The following NRG3 variants were observed in gnomAD, a reference collection of about 807,000 sequenced individuals.
NRG3 encodes the protein pro-neuregulin-3, membrane-bound isoform.
Under a neutral mutation model 66.9 loss-of-function variants are expected in NRG3, and 31 were observed. The observed-to-expected ratio is 0.46, with a 90% CI of 0.35 to 0.63. The LOEUF (loss-of-function observed/expected upper bound fraction) is 0.63. Ranked by LOEUF, NRG3 falls within the 20% of genes least tolerant of loss-of-function variation. The pLI is 0.00. For synonymous variants in NRG3, 393 were observed against 359.4 expected (o/e 1.09, Z -1.06); for missense variants, 910 against 878.9 (o/e 1.04, Z -0.45).
At chr10:81,997,731 A>C (rs1300057214) in intron 1 of NRG3, among the ~76,000 whole-genome samples, 5 of 152,234 alleles carry the variant, frequency 3.3e-5, no homozygotes, top group Non-Finnish European at 7.4e-5. Flanking sequence ...AGATAAGCGC[A>C]GCATACTCTA....
chr10:82,952,483 G>C (rs1375474802), intron 5 of NRG3, among the ~76,000 whole-genome samples: 7,689 of 116,866 alleles, frequency 0.066, 299 homozygotes, highest in Middle Eastern at 0.12. Flanking sequence ...GTGTGTGTGT[G>C]TGTGTGTGTG....
intron 1 of NRG3, among the ~76,000 whole-genome samples, chr10:81,923,158 G>A (rs1846413150): frequency 6.6e-6 from 1 of 151,682 alleles, no homozygotes; most frequent in Admixed American, 6.6e-5. Context: ...ATCTCTTAAT[G>A]AGATTAGAAT....
At chr10:81,930,386 T>C (rs1847226386) in intron 1 of NRG3, among the ~76,000 whole-genome samples, 2 of 152,104 alleles carry the variant, frequency 1.3e-5, no homozygotes, top group Non-Finnish European at 2.9e-5. Context: ...CTTACAGTTT[T>C]ATTGTAGAAG....
At chr10:82,849,309 T>C (rs887414894) in intron 3 of NRG3, among the ~76,000 whole-genome samples, 1 of 152,092 alleles carries the variant, frequency 6.6e-6, no homozygotes, top group African/African-American at 2.4e-5. Context: ...AATCCTGAGA[T>C]GGAACAAACA....
chr10:82,714,056 C>T (rs2056831978), intron 2 of NRG3, among the ~76,000 whole-genome samples: 1 of 152,164 alleles, frequency 6.6e-6, no homozygotes, highest in South Asian at 2.1e-4. Context: ...TAATATGTAT[C>T]ACCTTTAACT....
intron 1 of NRG3, among the ~76,000 whole-genome samples, chr10:82,102,319 C>T (rs2066811327): frequency 6.7e-6 from 1 of 149,730 alleles, no homozygotes; most frequent in African/African-American, 2.4e-5. Context: ...TTAACTTTCT[C>T]CTTTATTTTA....
At chr10:82,355,343 A>C (rs1396927787) in intron 1 of NRG3, among the ~76,000 whole-genome samples, 3 of 152,232 alleles carry the variant, frequency 2.0e-5, no homozygotes, top group Non-Finnish European at 4.4e-5. Flanking sequence ...GGGCACAGAA[A>C]GAAAATAAAG....
chr10:81,934,988 A>G (rs1384789524), intron 1 of NRG3, among the ~76,000 whole-genome samples: 1 of 152,210 alleles, frequency 6.6e-6, no homozygotes, highest in Admixed American at 6.5e-5. Flanking sequence ...ACATGTTGCA[A>G]TGAATAGAAC....
chr10:81,896,393 T>G (rs900257890), intron 1 of NRG3, among the ~76,000 whole-genome samples: 1 of 152,166 alleles, frequency 6.6e-6, no homozygotes, highest in Non-Finnish European at 1.5e-5. Flanking sequence ...CTCTTTAGGT[T>G]GATTGTTTTT....
At chr10:82,801,127 T>G (rs968954781) in intron 3 of NRG3, among the ~76,000 whole-genome samples, 1 of 152,200 alleles carries the variant, frequency 6.6e-6, no homozygotes. Flanking sequence ...TGATGGAACA[T>G]GCCTATTAGG....
chr10:82,451,153 A>G (rs1479223415), intron 2 of NRG3, among the ~76,000 whole-genome samples: 1 of 152,114 alleles, frequency 6.6e-6, no homozygotes, highest in African/African-American at 2.4e-5. Flanking sequence ...CCTCAAGACA[A>G]CTCTAGAGGA....
intron 3 of NRG3, among the ~76,000 whole-genome samples, chr10:82,817,488 C>CT (rs1477782042): frequency 4.5e-4 from 68 of 152,260 alleles, no homozygotes; most frequent in African/African-American, 1.5e-3. Context: ...CTTGTTGGTT[C>CT]TTTTTCTTTT....
chr10:81,964,294 T>C (rs997387074), intron 1 of NRG3, among the ~76,000 whole-genome samples: 1 of 148,180 alleles, frequency 6.7e-6, no homozygotes, highest in African/African-American at 2.5e-5. Flanking sequence ...AAAAAACAGC[T>C]GCATAGAAGG....
At chr10:82,509,883 A>G (rs1412661373) in intron 2 of NRG3, among the ~76,000 whole-genome samples, 1 of 152,110 alleles carries the variant, frequency 6.6e-6, no homozygotes, top group Non-Finnish European at 1.5e-5. Context: ...TGTCCCTACC[A>G]TTCTGTACTG....
rs948309714 is a variant in NRG3 at position 82,245,305 on chromosome 10, G to A, written c.824-113434G>A. Among the ~76,000 whole-genome samples, 7 of 152,248 alleles carry A rather than the reference G, an allele frequency of 4.6e-5. No homozygotes were observed. The East Asian group carries it at 7.8e-4, about 17-fold the overall frequency. On this transcript the variant is annotated intron_variant, in intron 1 of 8. Coordinates refer to ENST00000372141, the MANE Select transcript of NRG3 (RefSeq NM_001010848.4). ...TCTCATGCTGTGGCTCATCTGACAGGAGACGGAGCTCAGGTGGTAATGCAA... is the reference window on the plus strand; with the variant it reads ...TCTCATGCTGTGGCTCATCTGACAGAAGACGGAGCTCAGGTGGTAATGCAA...
At chr10:82,312,681 A>C (rs1589684188) in intron 1 of NRG3, among the ~76,000 whole-genome samples, 1 of 152,338 alleles carries the variant, frequency 6.6e-6, no homozygotes, top group Admixed American at 6.5e-5. Flanking sequence ...TTAATTGCCA[A>C]GTAGGGGCAA....
At chr10:82,141,206 A>T (rs760852705) in intron 1 of NRG3, among the ~76,000 whole-genome samples, 1 of 152,168 alleles carries the variant, frequency 6.6e-6, no homozygotes, top group African/African-American at 2.4e-5. Flanking sequence ...ACATAATCCA[A>T]TCTGTGTTTA....
chr10:82,350,044 G>A (rs1441200388), intron 1 of NRG3, among the ~76,000 whole-genome samples: 1 of 152,188 alleles, frequency 6.6e-6, no homozygotes, highest in Non-Finnish European at 1.5e-5. Context: ...CACGCTGGGA[G>A]CTGTAGACCA....
chr10:81,916,653 T>C (rs6584407), intron 1 of NRG3, among the ~76,000 whole-genome samples: 65,662 of 151,900 alleles, frequency 0.43, 17,152 homozygotes, highest in East Asian at 0.81. Context: ...TGTCAGAGAC[T>C]GAAAAAATAC....
Sources: allele counts gnomAD v4.1 joint callset (sites outside exome capture counted in the v4.1 genomes callset), GRCh38; gene constraint gnomAD v4.1.1; transcripts MANE v1.5; gene names NCBI Gene and HGNC (gene_info 2026-07-23, HGNC 2026-07-21).